The following RCAN2 variants were observed in gnomAD, a reference collection of about 807,000 sequenced individuals.
RCAN2 encodes the protein regulator of calcineurin 2.
Under a neutral mutation model 23.6 loss-of-function variants are expected in RCAN2, and 9 were observed. That is an observed-to-expected ratio of 0.38 (90% CI 0.23 to 0.67). RCAN2 has a LOEUF of 0.67. Ranked by LOEUF, RCAN2 falls within the 30% of genes least tolerant of loss-of-function variation. The pLI is 0.51. For missense variants in RCAN2, 273 were observed against 302.3 expected (o/e 0.90, Z 0.72); for synonymous variants, 109 against 115.7 (o/e 0.94, Z 0.37).
At chr6:46,260,835 G>A (rs533677365) in intron 2 of RCAN2, among the ~76,000 whole-genome samples, 1 of 152,350 alleles carries the variant, frequency 6.6e-6, no homozygotes, top group African/African-American at 2.4e-5. Flanking sequence ...CCCAGGATGG[G>A]GAGGAGGGTG....
intron 2 of RCAN2, among the ~76,000 whole-genome samples, chr6:46,332,413 C>T (rs966165759): frequency 1.6e-4 from 24 of 151,710 alleles, no homozygotes; most frequent in African/African-American, 5.8e-4. Flanking sequence ...CACCCATTAA[C>T]TCATCATTTA....
intron 2 of RCAN2, among the ~76,000 whole-genome samples, chr6:46,266,622 G>C (rs1243863862): frequency 6.6e-6 from 1 of 152,218 alleles, no homozygotes; most frequent in Non-Finnish European, 1.5e-5. Context: ...AGATGAAGCA[G>C]TACATCCATG....
chr6:46,239,351 C>T (rs747892048), intron 4 of RCAN2, among the ~76,000 whole-genome samples: 2 of 152,164 alleles, frequency 1.3e-5, no homozygotes, highest in Admixed American at 1.3e-4. Flanking sequence ...TCCTTTGTAA[C>T]CTTTTTTCTC....
chr6:46,446,637 G>A (rs1767717735), intron 2 of RCAN2, among the ~76,000 whole-genome samples: 1 of 152,064 alleles, frequency 6.6e-6, no homozygotes, highest in Non-Finnish European at 1.5e-5. Flanking sequence ...TAAAAATAAT[G>A]ATAGCTACTA....
At chr6:46,369,349 A>G (rs79049314) in intron 2 of RCAN2, among the ~76,000 whole-genome samples, 128 of 152,364 alleles carry the variant, frequency 8.4e-4, no homozygotes, top group African/African-American at 3.0e-3. Flanking sequence ...ACAATAAAGT[A>G]TACTATAGTA....
chr6:46,450,391 C>A lies in RCAN2; in HGVS notation c.225+6361G>T, dbSNP rs993160567. Among the ~76,000 whole-genome samples the A allele has an allele frequency of 4.6e-5, 7 of 152,130 alleles. No individual in the cohort carries two copies. The South Asian group carries it at 8.3e-4, about 18-fold the overall frequency. ...ATTATGGAAAACAGTATGGAGTTTC[C>A]TCCAAAAACTAAAAATAGAACCACC... On this transcript the variant is annotated intron_variant, in intron 2 of 4. Coordinates refer to ENST00000371374, the MANE Select transcript of RCAN2 (RefSeq NM_001251974.2).
At chr6:46,325,900 G>C (rs745354698) in intron 2 of RCAN2, 185 of 984,858 alleles carry the variant, frequency 1.9e-4, no homozygotes, top group Non-Finnish European at 2.2e-4. Context: ...AAAGCAGGAG[G>C]GGGTGAATCT....
intron 2 of RCAN2, 126 bp downstream of exon 2, chr6:46,456,626 T>C: frequency 3.0e-6 from 2 of 676,768 alleles, no homozygotes; most frequent in Non-Finnish European, 5.2e-6. Context: ...CTGGTACACA[T>C]GCCAAAAATA....
intron 2 of RCAN2, among the ~76,000 whole-genome samples, chr6:46,305,614 C>T (rs538465403): frequency 1.3e-5 from 2 of 152,144 alleles, no homozygotes; most frequent in South Asian, 4.1e-4. Flanking sequence ...CAAAGAAAGA[C>T]TCACACCTTT....
chr6:46,380,212 G>A (rs1184295650), intron 2 of RCAN2, among the ~76,000 whole-genome samples: 2 of 152,130 alleles, frequency 1.3e-5, no homozygotes, highest in Non-Finnish European at 2.9e-5. Context: ...AAGGTCTGGG[G>A]AAACCCCTAT....
intron 2 of RCAN2, among the ~76,000 whole-genome samples, chr6:46,373,766 T>C (rs1303912330): frequency 6.6e-6 from 1 of 152,192 alleles, no homozygotes; most frequent in Non-Finnish European, 1.5e-5. Context: ...TGACTGAGAC[T>C]TTTGACGTAT....
At chr6:46,373,353 C>T (rs991138524) in intron 2 of RCAN2, among the ~76,000 whole-genome samples, 17 of 152,080 alleles carry the variant, frequency 1.1e-4, no homozygotes, top group South Asian at 4.2e-4. Flanking sequence ...CAACCTCCAC[C>T]GCCCAGGTTC....
At chr6:46,467,751 T>C (rs1173086662) in intron 1 of RCAN2, among the ~76,000 whole-genome samples, 2 of 152,250 alleles carry the variant, frequency 1.3e-5, no homozygotes, top group African/African-American at 4.8e-5. Context: ...TTACACATCT[T>C]ACCATTCTTC....
At chr6:46,258,314 G>A (rs953229020) in intron 2 of RCAN2, among the ~76,000 whole-genome samples, 1 of 152,202 alleles carries the variant, frequency 6.6e-6, no homozygotes, top group Non-Finnish European at 1.5e-5. Context: ...GTGCATGTGA[G>A]AGTTCCCACA....
intron 2 of RCAN2, among the ~76,000 whole-genome samples, chr6:46,303,585 C>A (rs924945216): frequency 2.0e-5 from 3 of 152,038 alleles, no homozygotes; most frequent in African/African-American, 4.8e-5. Flanking sequence ...AACCCCTGCC[C>A]AGCTCCGGAT....
At position 46,221,734 on chromosome 6, in the gene RCAN2, T is replaced by C; in HGVS notation, c.*1407A>G. 1 of 391,646 alleles carries C rather than the reference T, an allele frequency of 2.6e-6. No homozygotes were observed. Among genetic ancestry groups the C allele is most frequent in the Non-Finnish European group, 4.5e-6 (1 of 221,872 alleles). 24.3% of individuals were successfully genotyped at this position (391,646 alleles called of 1,614,324 possible). On this transcript the variant is annotated 3_prime_UTR_variant, in exon 5 of 5. Transcript: ENST00000371374. ...TTGTTCTTGTGTGTTTTTCTGAGGC[T>C]TGGGTAATGAAAGTACTTCCCCACT...
intron 2 of RCAN2, among the ~76,000 whole-genome samples, chr6:46,272,848 T>C (rs1168257569): frequency 6.6e-6 from 1 of 152,228 alleles, no homozygotes; most frequent in African/African-American, 2.4e-5. Flanking sequence ...GTATAGACTC[T>C]TTCCTTTTTC....
At chr6:46,224,799 T>A (rs966935334) in intron 4 of RCAN2, among the ~76,000 whole-genome samples, 11 of 152,214 alleles carry the variant, frequency 7.2e-5, no homozygotes, top group Admixed American at 2.6e-4. Flanking sequence ...TTTTTTTTTT[T>A]TTATTATACT....
At chr6:46,482,156 C>A (rs1582237801) in intron 1 of RCAN2, among the ~76,000 whole-genome samples, 1 of 152,072 alleles carries the variant, frequency 6.6e-6, no homozygotes, top group East Asian at 1.9e-4. Flanking sequence ...AGAACCACTT[C>A]TAGATAAAGA....
Sources: gnomAD v4.1 joint callset for allele counts (sites outside exome capture counted in the v4.1 genomes callset) on GRCh38, gnomAD v4.1.1 for gene constraint, MANE v1.5 for transcripts, NCBI Gene and HGNC (gene_info 2026-07-23, HGNC 2026-07-21) for gene names.